The following PLEKHS1 variants were observed in gnomAD, a reference collection of about 807,000 sequenced individuals.
PLEKHS1 encodes pleckstrin homology domain-containing family S member 1.
A neutral mutation model predicts 51.0 loss-of-function variants in PLEKHS1; 55 were observed. The observed-to-expected ratio is 1.08, with a 90% CI of 0.87 to 1.35. The LOEUF is 1.35. PLEKHS1 is among the 40% of genes most tolerant of loss of function. The probability of loss-of-function intolerance (pLI) is 0.00; values close to 1 mark genes in which losing one functional copy is unlikely to be tolerated. For synonymous variants in PLEKHS1, 153 were observed against 144.8 expected (o/e 1.06, Z -0.41); for missense variants, 398 against 423.0 (o/e 0.94, Z 0.52).
chr10:113,769,681 G>C (rs1844311885), intron 6 of PLEKHS1, 103 bp from the exon 7 acceptor site: 3 of 749,318 alleles, frequency 4.0e-6, no homozygotes, highest in Non-Finnish European at 7.2e-6. Context: ...ATGTTAGATT[G>C]CTATGGGAAA....
chr10:113,757,689 A>G (rs1389221563), intron 2 of PLEKHS1, among the ~76,000 whole-genome samples: 4 of 152,200 alleles, frequency 2.6e-5, no homozygotes, highest in Non-Finnish European at 5.9e-5. Context: ...ACATCGATTG[A>G]TTGTACTTTC....
exon 12 of PLEKHS1, chr10:113,782,034 T>C (rs927641327): frequency 5.9e-5 from 9 of 152,240 alleles, no homozygotes; most frequent in African/African-American, 1.7e-4. Flanking sequence ...TCTTCACTAA[T>C]GGATCCATTG....
At chr10:113,758,666 G>T (rs1843781881) in intron 2 of PLEKHS1, among the ~76,000 whole-genome samples, 1 of 152,154 alleles carries the variant, frequency 6.6e-6, no homozygotes, top group African/African-American at 2.4e-5. Context: ...CCATTGTAAA[G>T]TTATTAATTG....
intron 2 of PLEKHS1, among the ~76,000 whole-genome samples, chr10:113,759,119 T>C (rs1843804305): frequency 6.6e-6 from 1 of 152,150 alleles, no homozygotes; most frequent in African/African-American, 2.4e-5. Context: ...AGATGGTAAA[T>C]GTGGCCGGGT....
chr10:113,761,239 A>G (rs1490396164), intron 2 of PLEKHS1, among the ~76,000 whole-genome samples: 4 of 152,114 alleles, frequency 2.6e-5, no homozygotes, highest in Non-Finnish European at 4.4e-5. Flanking sequence ...GTTCTTCTTG[A>G]AGATTATTTT....
Position 113,766,629 on chromosome 10 carries a change from GT to G in PLEKHS1, c.140del (p.Phe47SerfsTer33). 2 of 1,609,398 alleles carry G rather than the reference GT, an allele frequency of 1.2e-6. No individual in the cohort carries two copies. Among genetic ancestry groups the G allele is most frequent in the South Asian group, 1.1e-5 (1 of 89,412 alleles). ...TTTTTCAGACCTCTTGGAAAAAGCG[GT>G]TTTTCATCCTGTCAAAGGCTGGGGA... On this transcript the variant is annotated frameshift_variant, in exon 4 of 12. Transcript: ENST00000361048. LOFTEE classifies it high-confidence loss of function.
intron 2 of PLEKHS1, among the ~76,000 whole-genome samples, chr10:113,763,319 CT>C (rs144155400): frequency 0.023 from 3,452 of 152,160 alleles, 57 homozygotes; most frequent in Non-Finnish European, 0.032. Flanking sequence ...TTGTAACCCA[CT>C]TGTATCTTCA....
At chr10:113,766,752 C>T in intron 4 of PLEKHS1, 34 bp downstream of exon 4, 2 of 1,458,166 alleles carry the variant, frequency 1.4e-6, no homozygotes, top group Non-Finnish European at 1.9e-6. Flanking sequence ...TTTATAACAA[C>T]AAATACTATA....
intron 10 of PLEKHS1, 70 bp from the exon 11 acceptor site, chr10:113,775,695 T>C: frequency 1.0e-6 from 1 of 975,380 alleles, no homozygotes; most frequent in Non-Finnish European, 1.6e-6. Context: ...GCCAAAAGTC[T>C]ACTCAGAAAG....
exon 10 of PLEKHS1, chr10:113,774,841 A>G: frequency 6.2e-7 from 1 of 1,613,816 alleles, no homozygotes; most frequent in Non-Finnish European, 8.5e-7. Flanking sequence ...TCAAAGAGAC[A>G]TCCCATGAGT....
intron 2 of PLEKHS1, among the ~76,000 whole-genome samples, chr10:113,756,913 CTTTTTTTTT>C (rs397845343): frequency 9.1e-5 from 10 of 109,894 alleles, no homozygotes; most frequent in African/African-American, 3.5e-4. Flanking sequence ...TTAGATTGGT[CTTTTTTTTT>C]TTTTTTTTTT....
At chr10:113,779,055 A>T (rs1421236229) in intron 11 of PLEKHS1, among the ~76,000 whole-genome samples, 1 of 152,218 alleles carries the variant, frequency 6.6e-6, no homozygotes, top group Non-Finnish European at 1.5e-5. Flanking sequence ...GTTATGTGCT[A>T]CTTGCTATAC....
At chr10:113,779,569 C>CA (rs566568556) in intron 11 of PLEKHS1, among the ~76,000 whole-genome samples, 25,364 of 111,190 alleles carry the variant, frequency 0.23, 2,404 homozygotes, top group South Asian at 0.25. Flanking sequence ...GACTCTGTCT[C>CA]AAAAAAAAAA....
intron 2 of PLEKHS1, among the ~76,000 whole-genome samples, chr10:113,763,206 T>G (rs1844020660): frequency 6.6e-6 from 1 of 152,146 alleles, no homozygotes; most frequent in Admixed American, 6.5e-5. Flanking sequence ...TCTTTGTCCT[T>G]GGTAATATTA....
chr10:113,754,466 C>G (rs987838992), intron 1 of PLEKHS1, among the ~76,000 whole-genome samples: 5 of 152,100 alleles, frequency 3.3e-5, no homozygotes, highest in Non-Finnish European at 7.4e-5. Context: ...GATGCTGCCT[C>G]TCAGATTCAG....
At chr10:113,771,674 C>CAA (rs11383972) in intron 7 of PLEKHS1, among the ~76,000 whole-genome samples, 16,959 of 74,164 alleles carry the variant, frequency 0.23, 1,755 homozygotes, top group East Asian at 0.37. Flanking sequence ...GACTCTGTCT[C>CAA]AAAAAAAAAA....
At chr10:113,775,701 G>T (rs1184381628) in intron 10 of PLEKHS1, 64 bp from the exon 11 acceptor site, 2 of 1,097,420 alleles carry the variant, frequency 1.8e-6, no homozygotes, top group Non-Finnish European at 2.7e-6. Flanking sequence ...AGTCTACTCA[G>T]AAAGTACAGT....
chr10:113,767,891 T>G (rs937959734), intron 5 of PLEKHS1, among the ~76,000 whole-genome samples: 2 of 152,196 alleles, frequency 1.3e-5, no homozygotes, highest in Admixed American at 1.3e-4. Context: ...TGCATAGCTC[T>G]GTGTCCAAAT....
At chr10:113,751,749 C>T (rs190099884) in exon 1 of PLEKHS1, 2 of 152,196 alleles carry the variant, frequency 1.3e-5, no homozygotes, top group Non-Finnish European at 2.9e-5. Flanking sequence ...GACCAGCGAC[C>T]TCTTGGCTTC....
Sources: gnomAD v4.1 joint callset for allele counts (sites outside exome capture counted in the v4.1 genomes callset) on GRCh38, gnomAD v4.1.1 for gene constraint, MANE v1.5 for transcripts, NCBI Gene and HGNC (gene_info 2026-07-23, HGNC 2026-07-21) for gene names.